Variants in MTHFD2L observed in about 807,000 individuals in gnomAD.
The protein encoded by MTHFD2L is bifunctional methylenetetrahydrofolate dehydrogenase/cyclohydrolase 2, mitochondrial.
In MTHFD2L, 29 loss-of-function variants were observed where a neutral mutation model predicts 34.9. That is an observed-to-expected ratio of 0.83 (90% CI 0.62 to 1.13). The LOEUF is 1.13. MTHFD2L is among the 50% of genes most tolerant of loss of function. MTHFD2L has a pLI of 0.00. For missense variants in MTHFD2L, 481 were observed against 446.5 expected (o/e 1.08, Z -0.70); for synonymous variants, 167 against 155.7 (o/e 1.07, Z -0.54).
At chr4:74,120,509 C>T (rs1035000275), upstream of MTHFD2L, among the ~76,000 whole-genome samples, 5 of 152,122 alleles carry the variant, frequency 3.3e-5, no homozygotes, top group South Asian at 4.1e-4. Context: ...ATGGACGGAC[C>T]GACTGCCATG....
rs558769566 is a variant in MTHFD2L at position 74,216,887 on chromosome 4, C to T, written c.713-8415C>T. ...AAATATTTATGAACTAGTTTCCCTG[C>T]ATCCACCCTTGTCCCATCTTTCATT... On this transcript the variant is annotated intron_variant, in intron 5 of 7. Coordinates refer to ENST00000325278, the MANE Select transcript of MTHFD2L (RefSeq NM_001144978.3). Among the ~76,000 whole-genome samples the T allele has an allele frequency of 2.0e-5, 3 of 151,988 alleles. No homozygotes were observed. In the East Asian group the frequency reaches 5.8e-4, roughly 29 times the overall value.
chr4:74,243,736 C>T (rs191564360), intron 6 of MTHFD2L, among the ~76,000 whole-genome samples: 1 of 152,116 alleles, frequency 6.6e-6, no homozygotes, highest in East Asian at 1.9e-4. Flanking sequence ...TAAATTCTCC[C>T]AAAACAAAGC....
chr4:74,210,321 A>C (rs1328778567), intron 5 of MTHFD2L, among the ~76,000 whole-genome samples: 1 of 152,154 alleles, frequency 6.6e-6, no homozygotes, highest in African/African-American at 2.4e-5. Context: ...TTATGGTTTT[A>C]GGCCTTTTGT....
rs143702154 is a variant in MTHFD2L, at chr4:74,291,785, A to G, written c.932-9912A>G. On this transcript the variant is annotated intron_variant, in intron 7 of 7. Transcript: ENST00000325278. ...GTAAACAGGGATGGTTTTTAACTGTATCATTTTTACAAAACTATTATTAAT... is the reference window on the plus strand; with the variant it reads ...GTAAACAGGGATGGTTTTTAACTGTGTCATTTTTACAAAACTATTATTAAT... Among the ~76,000 whole-genome samples the G allele has an allele frequency of 1.2e-3, 181 of 152,356 alleles. No homozygotes were observed. In the East Asian group the frequency reaches 0.015, roughly 13 times the overall value.
intron 1 of MTHFD2L, chr4:74,125,594 G>A (rs1722009534): frequency 6.6e-6 from 1 of 151,998 alleles, no homozygotes; most frequent in South Asian, 2.1e-4. Flanking sequence ...ATTCACAAAT[G>A]TCAGTTTAAG....
At chr4:74,267,672 C>A in intron 6 of MTHFD2L, 3 of 973,196 alleles carry the variant, frequency 3.1e-6, no homozygotes, top group Non-Finnish European at 3.7e-6. Context: ...TGGGCTCTGG[C>A]GATCCTCCCA....
At chr4:74,161,686 G>C (rs1725504738) in intron 1 of MTHFD2L, 1 of 152,172 alleles carries the variant, frequency 6.6e-6, no homozygotes. Flanking sequence ...GATCTTGTTA[G>C]TTAATCATGG....
intron 3 of MTHFD2L, among the ~76,000 whole-genome samples, chr4:74,185,181 C>CAAAAA (rs1730964644): frequency 9.2e-6 from 1 of 109,286 alleles, no homozygotes; most frequent in African/African-American, 5.5e-5. Flanking sequence ...AAAAAAAAAT[C>CAAAAA]TGGAAAATCC....
At chr4:74,239,740 C>G (rs1178634519) in intron 6 of MTHFD2L, among the ~76,000 whole-genome samples, 2 of 152,050 alleles carry the variant, frequency 1.3e-5, no homozygotes, top group Non-Finnish European at 2.9e-5. Flanking sequence ...ATGTGCCTTT[C>G]AGATGAAGAT....
At chr4:74,119,699 C>T (rs554482849), upstream of MTHFD2L, among the ~76,000 whole-genome samples, 5 of 152,120 alleles carry the variant, frequency 3.3e-5, no homozygotes, top group South Asian at 6.2e-4. Flanking sequence ...AGGAGAATGG[C>T]GTGAACCTGA....
intron 3 of MTHFD2L, among the ~76,000 whole-genome samples, chr4:74,188,328 C>T (rs1220081152): frequency 1.3e-5 from 2 of 152,140 alleles, no homozygotes; most frequent in Non-Finnish European, 2.9e-5. Context: ...GAAGTTTCTT[C>T]CTAGCTTGCA....
intron 1 of MTHFD2L, among the ~76,000 whole-genome samples, chr4:74,132,547 A>G (rs1019217708): frequency 1.3e-5 from 2 of 152,098 alleles, no homozygotes; most frequent in African/African-American, 4.8e-5. Context: ...ATGAGAACAC[A>G]TGGACACAGG....
chr4:74,294,890 A>G (rs1749441894), intron 7 of MTHFD2L, among the ~76,000 whole-genome samples: 2 of 152,122 alleles, frequency 1.3e-5, no homozygotes, highest in Admixed American at 1.3e-4. Context: ...AAGATTAGAC[A>G]TGCATGGCAG....
At chr4:74,272,534 T>A (rs1280508218) in intron 6 of MTHFD2L, among the ~76,000 whole-genome samples, 2 of 152,128 alleles carry the variant, frequency 1.3e-5, no homozygotes, top group Non-Finnish European at 2.9e-5. Context: ...ATATTAACTT[T>A]TTTGTCAGTG....
rs180670991 is a variant in MTHFD2L at position 74,270,986 on chromosome 4, T to C, written c.806-10439T>C. On this transcript the variant is annotated intron_variant, in intron 6 of 7. Coordinates refer to ENST00000325278, the MANE Select transcript of MTHFD2L (RefSeq NM_001144978.3). Reference sequence around the variant, plus strand: ...AATGTCTTCTTTTGAGAAGTGTCTGTTCATATCCTTCGCCCACTTGTTGAT... The same window carrying C: ...AATGTCTTCTTTTGAGAAGTGTCTGCTCATATCCTTCGCCCACTTGTTGAT... Among the ~76,000 whole-genome samples, 568 of 152,308 alleles carry C rather than the reference T, an allele frequency of 3.7e-3. 26 individuals are homozygous for C. In the East Asian group the frequency reaches 0.096, roughly 26 times the overall value.
At chr4:74,182,790 C>CGA (rs1730444702) in intron 3 of MTHFD2L, 1 of 152,108 alleles carries the variant, frequency 6.6e-6, no homozygotes, top group Non-Finnish European at 1.5e-5. Flanking sequence ...GGAACCACTT[C>CGA]CAGACTGAGA....
chr4:74,170,662 A>G (rs1444195280), intron 1 of MTHFD2L, among the ~76,000 whole-genome samples: 3 of 152,142 alleles, frequency 2.0e-5, no homozygotes, highest in Admixed American at 6.5e-5. Context: ...CTGGGAGACA[A>G]TATTTCAAAC....
chr4:74,115,350 T>C (rs1721639516), intron 2 of MTHFD2L, among the ~76,000 whole-genome samples: 1 of 152,236 alleles, frequency 6.6e-6, no homozygotes, highest in Non-Finnish European at 1.5e-5. Context: ...TTTTTAGTTA[T>C]AGATCCAGAC....
intron 1 of MTHFD2L, among the ~76,000 whole-genome samples, chr4:74,152,914 C>G (rs1308359564): frequency 2.6e-5 from 4 of 152,160 alleles, no homozygotes; most frequent in Non-Finnish European, 5.9e-5. Flanking sequence ...CTTAAAATAT[C>G]CTAGGGAACT....
Sources: gnomAD v4.1 joint callset for allele counts (sites outside exome capture counted in the v4.1 genomes callset) on GRCh38, gnomAD v4.1.1 for gene constraint, MANE v1.5 for transcripts, NCBI Gene and HGNC (gene_info 2026-07-23, HGNC 2026-07-21) for gene names.